The following SAMMSON variants were observed in gnomAD, a reference collection of about 807,000 sequenced individuals.
The protein encoded by SAMMSON is survival associated mitochondrial melanoma specific oncogenic non-coding RNA.
At chr3:70,425,721 A>C (rs1351508790) in intron 2 of SAMMSON, among the ~76,000 whole-genome samples, 1 of 152,106 alleles carries the variant, frequency 6.6e-6, no homozygotes, top group Non-Finnish European at 1.5e-5. Flanking sequence ...TATTTTCTAC[A>C]CAATGGATGG....
At chr3:70,429,346 C>T (rs543634556) in intron 2 of SAMMSON, among the ~76,000 whole-genome samples, 5 of 152,154 alleles carry the variant, frequency 3.3e-5, no homozygotes, top group African/African-American at 1.2e-4. Context: ...GGTACCAGTA[C>T]GATGTGGTTT....
intron 4 of SAMMSON, chr3:70,197,270 C>T (rs1291934928): frequency 1.0e-5 from 4 of 397,558 alleles, no homozygotes; most frequent in Non-Finnish European, 1.8e-5. Context: ...TACTTGATAA[C>T]TTGATAGCCA....
intron 7 of SAMMSON, among the ~76,000 whole-genome samples, chr3:70,317,578 A>T (rs925828184): frequency 7.9e-5 from 12 of 151,632 alleles, no homozygotes; most frequent in African/African-American, 2.9e-4. Context: ...AATATCTTCA[A>T]AATATGTGTA....
At chr3:70,216,658 C>T (rs926212483) in intron 4 of SAMMSON, among the ~76,000 whole-genome samples, 1 of 152,024 alleles carries the variant, frequency 6.6e-6, no homozygotes, top group South Asian at 2.1e-4. Context: ...GTATAGTAAC[C>T]ATTTCCCTTC....
chr3:70,409,542 G>T (rs1701202051), intron 2 of SAMMSON, among the ~76,000 whole-genome samples: 1 of 151,744 alleles, frequency 6.6e-6, no homozygotes, highest in Admixed American at 6.6e-5. Flanking sequence ...ATGTATTTTG[G>T]TTGCAACACT....
chr3:70,024,384 A>C (rs1337476585), intron 3 of SAMMSON, among the ~76,000 whole-genome samples: 1 of 152,232 alleles, frequency 6.6e-6, no homozygotes, highest in Non-Finnish European at 1.5e-5. Context: ...ATTGGAATAG[A>C]AACTAGTAGA....
At chr3:70,031,294 C>CA (rs1255251981) in intron 3 of SAMMSON, among the ~76,000 whole-genome samples, 1 of 151,876 alleles carries the variant, frequency 6.6e-6, no homozygotes, top group East Asian at 1.9e-4. Context: ...AGACAAAGGA[C>CA]AAATATGGTA....
At chr3:70,228,097 T>C (rs1701525918) in intron 4 of SAMMSON, among the ~76,000 whole-genome samples, 3 of 151,936 alleles carry the variant, frequency 2.0e-5, no homozygotes, top group African/African-American at 7.2e-5. Flanking sequence ...ACTGTTAAAA[T>C]AACATGTACT....
intron 3 of SAMMSON, among the ~76,000 whole-genome samples, chr3:70,061,671 G>GT (rs2067191011): frequency 6.6e-6 from 1 of 151,998 alleles, no homozygotes; most frequent in South Asian, 2.1e-4. Context: ...TAAAATTTGC[G>GT]TTTGCAACGC....
chr3:70,085,278 T>C (rs1415369307), intron 4 of SAMMSON, among the ~76,000 whole-genome samples: 1 of 152,226 alleles, frequency 6.6e-6, no homozygotes, highest in Non-Finnish European at 1.5e-5. Context: ...ATATCCTTCT[T>C]GTTGGTAAGG....
chr3:70,154,044 A>G lies in SAMMSON; in HGVS notation n.507+82479A>G, dbSNP rs907378018. 2.0e-5 allele frequency among the ~76,000 whole-genome samples: 3 copies of G among 151,762 alleles called. No homozygotes were observed. The East Asian group carries it at 5.8e-4, about 29-fold the overall frequency. ...ATTTTTTTTCAGGATGTTTGTTCTC[A>G]GTATTAAATGCTGGAGCTTCTGTAA... is the stretch of plus-strand genomic sequence containing the variant. On this transcript the variant is annotated intron_variant and non_coding_transcript_variant, in intron 4 of 9. Coordinates refer to ENST00000642114, the Ensembl canonical transcript of SAMMSON.
chr3:70,113,538 A>C (rs1003303291), intron 4 of SAMMSON, among the ~76,000 whole-genome samples: 2 of 152,206 alleles, frequency 1.3e-5, no homozygotes, highest in African/African-American at 4.8e-5. Flanking sequence ...CCACTGATTT[A>C]AATAGTGAAG....
intron 4 of SAMMSON, among the ~76,000 whole-genome samples, chr3:70,101,448 A>G (rs897413553): frequency 6.6e-6 from 1 of 152,146 alleles, no homozygotes; most frequent in African/African-American, 2.4e-5. Flanking sequence ...TTATTATTTG[A>G]TAATTTACCT....
intron 7 of SAMMSON, among the ~76,000 whole-genome samples, chr3:70,353,167 A>C (rs1476770821): frequency 6.6e-6 from 1 of 152,002 alleles, no homozygotes; most frequent in Non-Finnish European, 1.5e-5. Context: ...CAAAATCATG[A>C]TTTATAAAAG....
chr3:70,220,331 C>T (rs779802628), intron 4 of SAMMSON, among the ~76,000 whole-genome samples: 3 of 151,918 alleles, frequency 2.0e-5, no homozygotes, highest in Non-Finnish European at 2.9e-5. Flanking sequence ...TTTGGGAGGC[C>T]GAGGTGAGAG....
intron 4 of SAMMSON, chr3:70,125,859 G>A (rs1169407885): frequency 3.0e-6 from 2 of 675,642 alleles, no homozygotes; most frequent in East Asian, 5.4e-5. Context: ...TTTTCTGTTG[G>A]TCCTCATCAT....
At chr3:70,045,489 A>G (rs947095948) in intron 3 of SAMMSON, among the ~76,000 whole-genome samples, 2 of 151,766 alleles carry the variant, frequency 1.3e-5, no homozygotes, top group African/African-American at 4.8e-5. Context: ...CAATAGTCCA[A>G]TGCCCTGCCA....
At chr3:70,087,832 T>A (rs1178526798) in intron 4 of SAMMSON, among the ~76,000 whole-genome samples, 1 of 152,212 alleles carries the variant, frequency 6.6e-6, no homozygotes, top group Non-Finnish European at 1.5e-5. Context: ...GAAGGCAGTG[T>A]GCTTATTTAT....
chr3:70,363,052 C>T (rs926413483), intron 9 of SAMMSON, among the ~76,000 whole-genome samples: 1 of 151,002 alleles, frequency 6.6e-6, no homozygotes, highest in African/African-American at 2.4e-5. Context: ...ATAGTAAAGA[C>T]AAAGGGGAAT....
Sources: gnomAD v4.1 joint callset for allele counts (sites outside exome capture counted in the v4.1 genomes callset) on GRCh38, gnomAD v4.1.1 for gene constraint, MANE v1.5 for transcripts, NCBI Gene and HGNC (gene_info 2026-07-23, HGNC 2026-07-21) for gene names.